RBFOX1: variants seen among roughly 807,000 people sequenced by gnomAD.
The protein encoded by RBFOX1 is RNA binding fox-1 homolog 1, also known as RNA binding protein fox-1 homolog 1.
RBFOX1 carries 8 observed loss-of-function variants against 57.7 expected under a neutral mutation model. That is an observed-to-expected ratio of 0.14 (90% CI 0.08 to 0.25). RBFOX1 has a LOEUF of 0.25. RBFOX1 is among the 10% of genes least tolerant of loss of function. RBFOX1 has a pLI of 1.00. For synonymous variants in RBFOX1, 326 were observed against 222.4 expected (o/e 1.47, Z -4.15); for missense variants, 611 against 548.5 (o/e 1.11, Z -1.14).
intron 4 of RBFOX1, among the ~76,000 whole-genome samples, chr16:7,334,826 T>C (rs2096756829): frequency 6.6e-6 from 1 of 152,208 alleles, no homozygotes; most frequent in Admixed American, 6.5e-5. Flanking sequence ...TAGCCAGTTA[T>C]TTTTGGAAAG....
rs536917576 is a variant in RBFOX1, at chr16:7,438,542, G to A, written c.28-79605G>A. Among the ~76,000 whole-genome samples, 61 of 152,220 alleles carry A rather than the reference G, an allele frequency of 4.0e-4. 1 individual carries two copies. Among genetic ancestry groups the A allele is most frequent in the East Asian group, 9.7e-4 (5 of 5,176 alleles). ...GCCTTCCTTTAGAAGGGCGTAATTC[G>A]TCCTCACAGACTCCTCACTCATTTG... is the stretch of plus-strand genomic sequence containing the variant. On this transcript the variant is annotated intron_variant, in intron 4 of 15. Coordinates refer to ENST00000550418, the MANE Select transcript of RBFOX1 (RefSeq NM_018723.4).
intron 4 of RBFOX1, among the ~76,000 whole-genome samples, chr16:7,365,542 A>T (rs980984058): frequency 6.6e-6 from 1 of 152,154 alleles, no homozygotes; most frequent in Non-Finnish European, 1.5e-5. Context: ...GGTTGTCTCA[A>T]TTGTGTAGAG....
At chr16:7,339,793 C>G (rs556224662) in intron 4 of RBFOX1, among the ~76,000 whole-genome samples, 2 of 152,212 alleles carry the variant, frequency 1.3e-5, no homozygotes, top group South Asian at 2.1e-4. Context: ...ATTCTAAGTC[C>G]TATTGGTTAA....
chr16:7,067,740 G>GTGTTCTCATTGTTGAATTC (rs1361691166), intron 4 of RBFOX1, among the ~76,000 whole-genome samples: 17 of 133,064 alleles, frequency 1.3e-4, no homozygotes, highest in African/African-American at 4.6e-4. Flanking sequence ...CTGTGTCCAT[G>GTGTTCTCATTGTTGAATTC]TGTTCTCATT....
chr16:6,971,334 A>C (rs975807353), intron 3 of RBFOX1, among the ~76,000 whole-genome samples: 1 of 152,166 alleles, frequency 6.6e-6, no homozygotes, highest in African/African-American at 2.4e-5. Context: ...ACATCCATGG[A>C]AGAGCAATCC....
intron 3 of RBFOX1, among the ~76,000 whole-genome samples, chr16:6,771,954 G>A (rs558822569): frequency 1.3e-5 from 2 of 152,162 alleles, no homozygotes; most frequent in East Asian, 3.9e-4. Flanking sequence ...GTGTAGAATA[G>A]CTATATAAGA....
chr16:7,478,065 C>G (rs924861163), intron 4 of RBFOX1, among the ~76,000 whole-genome samples: 9 of 152,228 alleles, frequency 5.9e-5, no homozygotes, highest in African/African-American at 2.2e-4. Context: ...AAGTGCATTT[C>G]AAATGGATAA....
intron 2 of RBFOX1, among the ~76,000 whole-genome samples, chr16:6,645,278 C>T (rs537481954): frequency 3.1e-4 from 47 of 152,316 alleles, no homozygotes; most frequent in African/African-American, 1.1e-3. Context: ...AACAAGGTCA[C>T]ATTCACAGGC....
intron 4 of RBFOX1, among the ~76,000 whole-genome samples, chr16:7,185,785 G>A (rs2083605322): frequency 6.6e-6 from 1 of 152,112 alleles, no homozygotes; most frequent in Non-Finnish European, 1.5e-5. Context: ...TCTTTACACT[G>A]GCATATGAAG....
chr16:5,287,024 G>A (rs1192348342), intron 1 of RBFOX1, among the ~76,000 whole-genome samples: 16 of 152,230 alleles, frequency 1.1e-4, no homozygotes, highest in Non-Finnish European at 1.5e-4. Flanking sequence ...AAAAGAAGAG[G>A]CTGGGTGTGG....
At chr16:6,229,511 A>G (rs754594121) in intron 1 of RBFOX1, among the ~76,000 whole-genome samples, 4 of 152,232 alleles carry the variant, frequency 2.6e-5, no homozygotes, top group African/African-American at 2.4e-5. Context: ...CGCAAACACA[A>G]TAAAGGATTT....
At chr16:5,242,157 C>T (rs1182432368) in intron 1 of RBFOX1, among the ~76,000 whole-genome samples, 2 of 152,030 alleles carry the variant, frequency 1.3e-5, no homozygotes, top group Non-Finnish European at 2.9e-5. Flanking sequence ...CCACAAGTGT[C>T]TTAAGCCAGA....
chr16:5,848,786 A>C (rs964858240), intron 3 of RBFOX1, among the ~76,000 whole-genome samples: 6 of 151,846 alleles, frequency 4.0e-5, no homozygotes, highest in Non-Finnish European at 5.9e-5. Context: ...GTCTCTAATA[A>C]AAAAATACAA....
At chr16:6,379,304 G>A (rs1009453749) in intron 2 of RBFOX1, among the ~76,000 whole-genome samples, 4 of 152,028 alleles carry the variant, frequency 2.6e-5, no homozygotes, top group African/African-American at 4.8e-5. Flanking sequence ...GAGAGAGGCA[G>A]GATAAAAAAA....
chr16:5,835,867 C>A (rs928560640), intron 3 of RBFOX1, among the ~76,000 whole-genome samples: 1 of 152,176 alleles, frequency 6.6e-6, no homozygotes, highest in Non-Finnish European at 1.5e-5. Context: ...TCCCATCCCT[C>A]CCAGAGCACA....
chr16:6,331,623 T>A (rs201957661), intron 2 of RBFOX1, among the ~76,000 whole-genome samples: 10 of 140,752 alleles, frequency 7.1e-5, no homozygotes, highest in Non-Finnish European at 1.2e-4. Context: ...TATATATATA[T>A]AATCTATCTG....
chr16:5,541,166 A>G (rs1159707909), intron 2 of RBFOX1, among the ~76,000 whole-genome samples: 1 of 152,152 alleles, frequency 6.6e-6, no homozygotes, highest in Non-Finnish European at 1.5e-5. Context: ...TGCATTTTTA[A>G]GAAGAGCTCT....
At chr16:6,866,400 C>A (rs1045645000) in intron 3 of RBFOX1, among the ~76,000 whole-genome samples, 1 of 151,814 alleles carries the variant, frequency 6.6e-6, no homozygotes, top group African/African-American at 2.4e-5. Flanking sequence ...AAAAATCAAA[C>A]CTTATCCATC....
intron 5 of RBFOX1, among the ~76,000 whole-genome samples, chr16:7,557,889 G>A (rs35298333): frequency 0.091 from 13,885 of 151,822 alleles, 1,274 homozygotes; most frequent in African/African-American, 0.24. Context: ...CCAATGCCTC[G>A]TCACTGAACA....
Sources: allele counts gnomAD v4.1 joint callset (sites outside exome capture counted in the v4.1 genomes callset), GRCh38; gene constraint gnomAD v4.1.1; transcripts MANE v1.5; gene names NCBI Gene and HGNC (gene_info 2026-07-23, HGNC 2026-07-21).